The following CACNA2D4 variants were observed in gnomAD, a reference collection of about 807,000 sequenced individuals.
CACNA2D4 encodes the protein calcium voltage-gated channel auxiliary subunit alpha2delta 4.
Under a neutral mutation model 163.8 loss-of-function variants are expected in CACNA2D4, and 157 were observed. The ratio of observed to expected loss-of-function variants is 0.96; its 90% CI spans 0.84 to 1.09. The LOEUF is 1.09. Ranked by LOEUF, CACNA2D4 falls within the 50% of genes least tolerant of loss-of-function variation. The probability of loss-of-function intolerance (pLI) is 0.00; values close to 1 mark genes in which losing one functional copy is unlikely to be tolerated. For synonymous variants in CACNA2D4, 598 were observed against 586.9 expected (o/e 1.02, Z -0.27); for missense variants, 1,410 against 1,479.9 (o/e 0.95, Z 0.78).
chr12:1,863,597 C>T (rs529245003), intron 18 of CACNA2D4, among the ~76,000 whole-genome samples: 6 of 152,154 alleles, frequency 3.9e-5, no homozygotes, highest in Middle Eastern at 3.4e-3. Flanking sequence ...ATATTCTTTC[C>T]GCAATGTTTT....
chr12:1,811,596 G>C, intron 27 of CACNA2D4, 66 bp downstream of exon 27: 1 of 1,472,192 alleles, frequency 6.8e-7, no homozygotes, highest in Non-Finnish European at 9.3e-7. Context: ...GGGAGGGAGA[G>C]GGGGTCTCAC....
intron 9 of CACNA2D4, among the ~76,000 whole-genome samples, 191 bp downstream of exon 9, chr12:1,885,770 CTGTT>C (rs1198077677): frequency 6.6e-6 from 1 of 152,204 alleles, no homozygotes; most frequent in African/African-American, 2.4e-5. Flanking sequence ...TATCTGCTCA[CTGTT>C]TGCTCTGATA....
chr12:1,795,925 G>A (rs3815325), intron 35 of CACNA2D4, 145 bp from the exon 36 acceptor site: 156,550 of 652,156 alleles, frequency 0.24, 20,219 homozygotes, highest in African/African-American at 0.4. Context: ...GGGCAGCTAA[G>A]GGAACGGGCC....
chr12:1,828,284 G>A lies in CACNA2D4; in HGVS notation c.2551+12455C>T, dbSNP rs186465399. 663 of 1,344,754 alleles carry A rather than the reference G, an allele frequency of 4.9e-4. 1 individual carries two copies. The highest frequency in any genetic ancestry group is 5.5e-4 in the Non-Finnish European group (542 of 987,494). 83.3% of individuals were successfully genotyped at this position (1,344,754 alleles called of 1,614,324 possible). ...GGGTGCCGAGGTGACTGTAGGTAGC[G>A]CCATATGGGACCTTAGCCACACTCA... On this transcript the variant is annotated intron_variant, in intron 26 of 37. Coordinates refer to ENST00000382722, the MANE Select transcript of CACNA2D4 (RefSeq NM_172364.5). This position sits in a 1 kb window ranked among gnomAD's most constrained non-coding sequence, Gnocchi z 4.2.
intron 7 of CACNA2D4, 110 bp from the exon 8 acceptor site, chr12:1,886,483 A>G (rs1592734829): frequency 1.0e-6 from 1 of 976,872 alleles, no homozygotes; most frequent in East Asian, 2.6e-5. Flanking sequence ...AGCCCACCCA[A>G]AGTTCAGGGC....
At chr12:1,864,973 G>A (rs1033989416) in intron 18 of CACNA2D4, among the ~76,000 whole-genome samples, 1 of 152,082 alleles carries the variant, frequency 6.6e-6, no homozygotes, top group Non-Finnish European at 1.5e-5. Flanking sequence ...CCCTCGCCGC[G>A]CCGCTCCCGG....
intron 6 of CACNA2D4, among the ~76,000 whole-genome samples, chr12:1,902,822 T>C (rs1470002729): frequency 6.6e-6 from 1 of 152,016 alleles, no homozygotes; most frequent in Non-Finnish European, 1.5e-5. Context: ...GCAATCCCTA[T>C]CAAAATACCA....
chr12:1,908,134 C>T, intron 4 of CACNA2D4, 97 bp from the exon 5 acceptor site: 4 of 1,253,482 alleles, frequency 3.2e-6, no homozygotes, highest in Non-Finnish European at 4.4e-6. Context: ...ACGAGAGGGC[C>T]GGGGCCGGGC....
intron 29 of CACNA2D4, among the ~76,000 whole-genome samples, chr12:1,805,308 A>G (rs3741971): frequency 0.6 from 90,403 of 151,892 alleles, 27,763 homozygotes; most frequent in Non-Finnish European, 0.69. Flanking sequence ...GAGGTTGGGT[A>G]GTCCCTCCCA....
intron 20 of CACNA2D4, 54 bp downstream of exon 20, chr12:1,858,523 T>G: frequency 7.2e-6 from 11 of 1,535,630 alleles, no homozygotes; most frequent in Admixed American, 1.7e-5. Context: ...CAGTGTCCCA[T>G]GAGAGCCCAT....
intron 18 of CACNA2D4, among the ~76,000 whole-genome samples, chr12:1,868,906 T>C (rs951006651): frequency 6.6e-6 from 1 of 152,178 alleles, no homozygotes; most frequent in African/African-American, 2.4e-5. Context: ...TACACTGTAT[T>C]AGGTTTTATA....
At chr12:1,800,599 C>T (rs968541182) in intron 31 of CACNA2D4, 161 bp from the exon 32 acceptor site, 6 of 668,508 alleles carry the variant, frequency 9.0e-6, no homozygotes, top group African/African-American at 9.0e-5. Flanking sequence ...ACCCCCCATC[C>T]CCCCACCTCC....
intron 6 of CACNA2D4, among the ~76,000 whole-genome samples, chr12:1,903,282 A>G (rs1866578951): frequency 1.3e-5 from 2 of 152,130 alleles, no homozygotes; most frequent in African/African-American, 4.8e-5. Context: ...ACATTGGGGA[A>G]ACTCTCCAGG....
chr12:1,902,162 T>A (rs1866552665), intron 6 of CACNA2D4, among the ~76,000 whole-genome samples: 1 of 150,168 alleles, frequency 6.7e-6, no homozygotes, highest in Non-Finnish European at 1.5e-5. Flanking sequence ...AAATTCAACA[T>A]TTCTTCATGG....
In CACNA2D4 at chr12:1,828,116, A is replaced by T. The variant is rs1293198711; in HGVS notation, c.2551+12623T>A. 2.0e-6 allele frequency: 3 copies of T among 1,504,126 alleles called. No homozygotes were observed. The South Asian group carries it at 3.8e-5, about 19-fold the overall frequency. The allele number at this position is 1,504,126 out of a possible 1,614,324, so 93.2% of individuals were successfully genotyped here. On this transcript the variant is annotated intron_variant, in intron 26 of 37. Coordinates refer to ENST00000382722, the MANE Select transcript of CACNA2D4 (RefSeq NM_172364.5). This position sits in a 1 kb window ranked among gnomAD's most constrained non-coding sequence, Gnocchi z 4.2. The stretch of plus-strand genomic sequence containing the variant: ...CACCCAGGGGCTCCTCTCTCCCCAG[A>T]GCGACAGGGCCCGGAGAGCCGTGGG...
At position 1,834,926 on chromosome 12, in the gene CACNA2D4, G is replaced by C; in HGVS notation, c.2551+5813C>G. 1 of 915,228 alleles carries C rather than the reference G, an allele frequency of 1.1e-6. No homozygotes were observed. The highest frequency in any genetic ancestry group is 1.6e-6 in the Non-Finnish European group (1 of 632,834). The allele number at this position is 915,228 out of a possible 1,614,324, so 56.7% of individuals were successfully genotyped here. Reference sequence around the variant, plus strand: ...CACCGTGCTGGGGGCTCCTGCTGATGCTCCTGTCTGGGCCAGTAAATCTTT... The same window carrying C: ...CACCGTGCTGGGGGCTCCTGCTGATCCTCCTGTCTGGGCCAGTAAATCTTT... On this transcript the variant is annotated intron_variant, in intron 26 of 37. Coordinates refer to ENST00000382722, the MANE Select transcript of CACNA2D4 (RefSeq NM_172364.5). This position sits in a 1 kb window ranked among gnomAD's most constrained non-coding sequence, Gnocchi z 7.6.
chr12:1,877,495 TTAAA>T (rs1286240216), intron 16 of CACNA2D4, among the ~76,000 whole-genome samples: 14 of 152,328 alleles, frequency 9.2e-5, no homozygotes, highest in African/African-American at 3.1e-4. Flanking sequence ...AGAGTTTGCC[TTAAA>T]TAGTTAATCA....
chr12:1,915,261 C>A, intron 1 of CACNA2D4: 1 of 702,616 alleles, frequency 1.4e-6, no homozygotes, highest in South Asian at 1.5e-5. Flanking sequence ...ACCCTCAGGA[C>A]CCAGCGGCTG....
chr12:1,896,134 C>T (rs1466111347), intron 6 of CACNA2D4, among the ~76,000 whole-genome samples: 1 of 152,146 alleles, frequency 6.6e-6, no homozygotes, highest in East Asian at 1.9e-4. Context: ...TATAAAGCTA[C>T]TAGAAGAAAA....
Sources: gnomAD v4.1 joint callset for allele counts (sites outside exome capture counted in the v4.1 genomes callset) on GRCh38, gnomAD v4.1.1 for gene constraint, Gnocchi (gnomAD v3.1) non-coding constraint, MANE v1.5 for transcripts, NCBI Gene and HGNC (gene_info 2026-07-23, HGNC 2026-07-21) for gene names.